TBC1D32: variants seen among roughly 807,000 people sequenced by gnomAD.
TBC1D32 encodes the protein protein broad-minded.
In TBC1D32, 151 loss-of-function variants were observed where a neutral mutation model predicts 170.3. The observed-to-expected ratio is 0.89, with a 90% CI of 0.78 to 1.01. TBC1D32 has a LOEUF of 1.01. Among genes scored for constraint, TBC1D32 ranks in the 50% least tolerant of loss-of-function variants. The pLI, the probability that TBC1D32 is intolerant of heterozygous loss-of-function variation, is 0.00. For synonymous variants in TBC1D32, 498 were observed against 488.0 expected (o/e 1.02, Z -0.27); for missense variants, 1,464 against 1,457.1 (o/e 1.00, Z -0.08).
intron 22 of TBC1D32, among the ~76,000 whole-genome samples, chr6:121,199,675 A>G (rs785407): frequency 0.84 from 126,386 of 150,848 alleles, 55,337 homozygotes; most frequent in Non-Finnish European, 0.94. Flanking sequence ...AATCTAAAAT[A>G]TGGATGGTTT....
intron 26 of TBC1D32, among the ~76,000 whole-genome samples, chr6:121,118,641 C>T (rs13216253): frequency 0.11 from 16,808 of 152,120 alleles, 1,275 homozygotes; most frequent in Non-Finnish European, 0.17. Context: ...GAGGACAAAT[C>T]CATGGTTGGA....
chr6:121,114,936 G>T (rs1779545423), intron 27 of TBC1D32, among the ~76,000 whole-genome samples: 1 of 152,088 alleles, frequency 6.6e-6, no homozygotes, highest in African/African-American at 2.4e-5. Flanking sequence ...AGTCATGAGG[G>T]CTTAAACACA....
chr6:121,160,926 C>T, intron 23 of TBC1D32, 22 bp downstream of exon 23: 1 of 1,592,082 alleles, frequency 6.3e-7, no homozygotes, highest in Non-Finnish European at 8.6e-7. Context: ...ACACATCCCA[C>T]TTCTCTTTGC....
intron 18 of TBC1D32, among the ~76,000 whole-genome samples, chr6:121,241,914 A>G (rs1007493640): frequency 3.3e-5 from 5 of 152,182 alleles, no homozygotes; most frequent in Non-Finnish European, 7.4e-5. Flanking sequence ...AAATTCACCC[A>G]GTTTCACTAC....
At chr6:121,301,436 A>T (rs764922312) in intron 9 of TBC1D32, among the ~76,000 whole-genome samples, 1 of 152,152 alleles carries the variant, frequency 6.6e-6, no homozygotes, top group African/African-American at 2.4e-5. Flanking sequence ...CTTTCAGAAG[A>T]ACAGAAAACC....
chr6:121,095,822 A>G (rs1033810726), intron 30 of TBC1D32: 2 of 152,032 alleles, frequency 1.3e-5, no homozygotes, highest in African/African-American at 4.8e-5. Context: ...GTGCTACTGG[A>G]TTTGCTTTGC....
intron 26 of TBC1D32, among the ~76,000 whole-genome samples, chr6:121,120,571 T>G (rs1028147997): frequency 3.3e-5 from 5 of 152,040 alleles, no homozygotes; most frequent in African/African-American, 9.7e-5. Flanking sequence ...AATAGCTGTA[T>G]GTTTTTCACA....
chr6:121,142,810 C>A lies in TBC1D32; in HGVS notation c.2774-11058G>T, dbSNP rs149167630. ...AATGGGGTAATAACTCCCGGGAAAT[C>A]TAATTTTAGCTCAGAAAAACAAAAA... On this transcript the variant is annotated intron_variant, in intron 24 of 31. Coordinates refer to ENST00000398212, the MANE Select transcript of TBC1D32 (RefSeq NM_152730.6). Among the ~76,000 whole-genome samples the A allele has an allele frequency of 5.3e-5, 8 of 152,240 alleles. No homozygotes were observed. In the East Asian group the frequency reaches 1.5e-3, roughly 29 times the overall value.
chr6:121,334,504 C>T, upstream of TBC1D32: 2 of 1,488,684 alleles, frequency 1.3e-6, no homozygotes, highest in Non-Finnish European at 1.8e-6. Context: ...CGCGCACGCG[C>T]ACCCCCACCC....
chr6:121,227,228 ATTTAGATT>A (rs1795184943), intron 20 of TBC1D32, among the ~76,000 whole-genome samples: 1 of 152,184 alleles, frequency 6.6e-6, no homozygotes, highest in Admixed American at 6.5e-5. Context: ...CTAAGAATGC[ATTTAGATT>A]CAGGGAGAGG....
intron 1 of TBC1D32, among the ~76,000 whole-genome samples, chr6:121,322,789 G>A (rs1217569144): frequency 6.6e-6 from 1 of 152,054 alleles, no homozygotes; most frequent in Non-Finnish European, 1.5e-5. Flanking sequence ...TATAGCATTG[G>A]GGAAAGGTTT....
chr6:121,105,660 G>A (rs1778604856), intron 30 of TBC1D32, among the ~76,000 whole-genome samples: 1 of 152,004 alleles, frequency 6.6e-6, no homozygotes, highest in East Asian at 1.9e-4. Context: ...AATCCGCGGG[G>A]ATTTTTTGTT....
intron 9 of TBC1D32, among the ~76,000 whole-genome samples, chr6:121,301,095 G>A (rs1207709649): frequency 6.6e-6 from 1 of 152,140 alleles, no homozygotes; most frequent in African/African-American, 2.4e-5. Context: ...TTTGGTGGGA[G>A]TGTAAATTAG....
Position 121,134,845 on chromosome 6 carries a change from T to C in TBC1D32, c.2774-3093A>G, listed in dbSNP as rs535281209. On this transcript the variant is annotated intron_variant, in intron 24 of 31. Transcript: ENST00000398212. ...GAGTTCAAAGTTATCAGTGTTAGTA[T>C]ATAAACAGCTAAATTAAGCATCATT... Among the ~76,000 whole-genome samples, 373 of 152,256 alleles carry C rather than the reference T, an allele frequency of 2.4e-3. 2 individuals carry two copies. Among genetic ancestry groups the C allele is most frequent in the African/African-American group, 8.6e-3 (356 of 41,566 alleles).
intron 24 of TBC1D32, among the ~76,000 whole-genome samples, chr6:121,151,956 AT>A (rs1255674200): frequency 6.6e-6 from 1 of 151,998 alleles, no homozygotes; most frequent in Non-Finnish European, 1.5e-5. Context: ...TCTTTATCCA[AT>A]TTGCCAGTCT....
At chr6:121,281,754 T>C in intron 13 of TBC1D32, 68 bp from the exon 14 acceptor site, 2 of 1,304,834 alleles carry the variant, frequency 1.5e-6, no homozygotes, top group South Asian at 1.7e-5. Context: ...TGTTAGCTGT[T>C]GTTGTTCCAA....
intron 20 of TBC1D32, among the ~76,000 whole-genome samples, chr6:121,225,045 T>C (rs891546834): frequency 6.6e-6 from 1 of 151,910 alleles, no homozygotes. Flanking sequence ...GAACACTACA[T>C]GAGAAGTATG....
rs573107082 is a variant in TBC1D32, at chr6:121,291,392, T to C, written c.1372+661A>G. Among the ~76,000 whole-genome samples, 35 of 151,942 alleles carry C rather than the reference T, an allele frequency of 2.3e-4. No homozygotes were observed. The South Asian group carries it at 7.3e-3, about 32-fold the overall frequency. On this transcript the variant is annotated intron_variant, in intron 12 of 31. Coordinates refer to ENST00000398212, the MANE Select transcript of TBC1D32 (RefSeq NM_152730.6). ...GAGAATATACAAAAGCAGTATGTGG[T>C]CAAAACAGCCCAAAATATTTACTAT...
At chr6:121,172,169 C>G (rs540305614) in intron 22 of TBC1D32, among the ~76,000 whole-genome samples, 1 of 152,222 alleles carries the variant, frequency 6.6e-6, no homozygotes, top group East Asian at 1.9e-4. Context: ...GATTATGAGG[C>G]CTCCCCAGCC....
Sources: allele counts gnomAD v4.1 joint callset (sites outside exome capture counted in the v4.1 genomes callset), GRCh38; gene constraint gnomAD v4.1.1; transcripts MANE v1.5; gene names NCBI Gene and HGNC (gene_info 2026-07-23, HGNC 2026-07-21).